RRP12: variants seen among roughly 807,000 people sequenced by gnomAD.
RRP12 encodes ribosomal RNA processing 12 homolog, also known as RRP12-like protein.
In RRP12, 78 loss-of-function variants were observed where a neutral mutation model predicts 157.3. That is an observed-to-expected ratio of 0.50 (90% CI 0.41 to 0.60). The LOEUF (loss-of-function observed/expected upper bound fraction) is 0.60. Ranked by LOEUF, RRP12 falls within the 20% of genes least tolerant of loss-of-function variation. The pLI, the probability that RRP12 is intolerant of heterozygous loss-of-function variation, is 0.00. For synonymous variants in RRP12, 726 were observed against 670.9 expected (o/e 1.08, Z -1.27); for missense variants, 1,521 against 1,679.9 (o/e 0.91, Z 1.65).
At position 97,373,881 on chromosome 10, in the gene RRP12, A is replaced by G. The variant is rs1844231202; in HGVS notation, c.1812T>C (p.Ala604=). Residue 604 remains alanine, a synonymous_variant, in exon 16 of 34, where the codon GCT becomes GCC. Coordinates refer to ENST00000370992, the MANE Select transcript of RRP12 (RefSeq NM_015179.4). The part of the protein sequence containing the change: ...NTLKSKAMDL[A]QAGSTVESKI... The stretch of plus-strand genomic sequence containing the variant: ...TAGATTCCACTGTGCTGCCTGCCTG[A>G]GCCAGGTCCATGGCTGCAGTGTGAC... The G allele has an allele frequency of 1.2e-6, 2 of 1,613,316 alleles. No homozygotes were observed. The highest frequency in any genetic ancestry group is 1.7e-6 in the Non-Finnish European group (2 of 1,179,910).
chr10:97,367,766 C>T (rs1309951981), intron 25 of RRP12, among the ~76,000 whole-genome samples: 1 of 152,228 alleles, frequency 6.6e-6, no homozygotes, highest in East Asian at 1.9e-4. Flanking sequence ...GAGTCTCGCT[C>T]TGTTGCCCAG....
Position 97,360,598 on chromosome 10 carries a change from C to A in RRP12, c.3588G>T (p.Lys1196Asn). 1 of 1,614,016 alleles carries A rather than the reference C, an allele frequency of 6.2e-7. No individual in the cohort carries two copies. Among genetic ancestry groups the A allele is most frequent in the Non-Finnish European group, 8.5e-7 (1 of 1,179,890 alleles). The change falls in exon 31 of 34, where the codon AAG (lysine) becomes AAT (asparagine). Residue 1196 changes from lysine to asparagine, a missense_variant. Transcript: ENST00000370992. Reference sequence around the variant, plus strand: ...CCTCCTCCTCAGCCTCTTTCTGGTGCTTGAGCTTCTGGTGCTTTTTCTATA... The same window carrying A: ...CCTCCTCCTCAGCCTCTTTCTGGTGATTGAGCTTCTGGTGCTTTTTCTATA... The part of the protein sequence containing the change: ...IIRNKKHQKL[K>N]HQKEAEEEEL...
rs754288674 is a variant in RRP12, at chr10:97,360,623, A to G, written c.3568-5T>C. 2 of 1,612,914 alleles carry G rather than the reference A, an allele frequency of 1.2e-6. No homozygotes were observed. The highest frequency in any genetic ancestry group is 1.7e-6 in the Non-Finnish European group (2 of 1,178,964). Reference sequence around the variant, plus strand: ...CTTGAGCTTCTGGTGCTTTTTCTATAGAGAGAGAATAGGTGGGTAGTGAGT... The same window carrying G: ...CTTGAGCTTCTGGTGCTTTTTCTATGGAGAGAGAATAGGTGGGTAGTGAGT... On this transcript the variant is annotated splice_polypyrimidine_tract_variant and splice_region_variant and intron_variant, in intron 30 of 33. Coordinates refer to ENST00000370992, the MANE Select transcript of RRP12 (RefSeq NM_015179.4).
intron 3 of RRP12, among the ~76,000 whole-genome samples, chr10:97,395,900 C>A (rs951397817): frequency 2.0e-5 from 3 of 151,134 alleles, no homozygotes; most frequent in African/African-American, 7.3e-5. Context: ...GTGGCTCATG[C>A]CTGTAATCCC....
intron 26 of RRP12, 38 bp from the exon 27 acceptor site, chr10:97,366,947 C>G: frequency 6.2e-7 from 1 of 1,609,860 alleles, no homozygotes; most frequent in Non-Finnish European, 8.5e-7. Context: ...GAGGCACTGG[C>G]CAGACAGCAC....
Position 97,381,763 on chromosome 10 carries a change from G to A in RRP12, c.1272C>T (p.Leu424=), listed in dbSNP as rs1384643187. 3 of 1,614,158 alleles carry A rather than the reference G, an allele frequency of 1.9e-6. No individual in the cohort carries two copies. The highest frequency in any genetic ancestry group is 8.5e-7 in the Non-Finnish European group (1 of 1,180,024). The part of the protein sequence containing the change: ...PRFFGTAVTC[L]LSPHSQVLTA... ...TCAGCACTTGCGAGTGTGGGGAAAG[G>A]AGGCAGGTCACCGCAGTTCCAAAAA... Residue 424 remains leucine, a synonymous_variant, in exon 11 of 34, where the codon CTC becomes CTT. Coordinates refer to ENST00000370992, the MANE Select transcript of RRP12 (RefSeq NM_015179.4).
rs778484919 is a variant in RRP12, at chr10:97,386,023, A to G, written c.1018-30T>C. The stretch of plus-strand genomic sequence containing the variant: ...AGGGGGACACACAGGCTTAGAAAGG[A>G]ACTACAAAGCCCACGGCTGGCCCTG... On this transcript the variant is annotated intron_variant, in intron 8 of 33. Coordinates refer to ENST00000370992, the MANE Select transcript of RRP12 (RefSeq NM_015179.4). 4.1e-6 allele frequency: 6 copies of G among 1,477,440 alleles called. No individual in the cohort carries two copies. In the East Asian group the frequency reaches 1.2e-4, roughly 30 times the overall value. The allele number at this position is 1,477,440 out of a possible 1,614,324, so 91.5% of individuals were successfully genotyped here.
chr10:97,373,717 C>T lies in RRP12; in HGVS notation c.1884G>A (p.Gly628=). ...CCACATCTGTAGGCCTTGTGCAGAA[C>T]CCAGGCAGGAGTGTCCACATCTGGA... The part of the protein sequence containing the change: ...LQWQMWTLLP[G]FCTRPTDVAI... The change falls in exon 17 of 34, where the codon GGG becomes GGA. Residue 628 remains glycine (G), a synonymous_variant. Transcript: ENST00000370992. 1.9e-6 allele frequency: 3 copies of T among 1,613,348 alleles called. No homozygotes were observed. The highest frequency in any genetic ancestry group is 1.7e-6 in the Non-Finnish European group (2 of 1,179,418).
intron 8 of RRP12, chr10:97,387,941 C>CAAAAAAAAAAAA (rs56225985): frequency 1.0e-5 from 1 of 97,332 alleles, no homozygotes; most frequent in African/African-American, 5.9e-5. Context: ...AACTCGGTCT[C>CAAAAAAAAAAAA]AAAAAAAAAA....
intron 4 of RRP12, 51 bp from the exon 5 acceptor site, chr10:97,390,895 T>G: frequency 8.2e-6 from 10 of 1,222,288 alleles, no homozygotes; most frequent in Non-Finnish European, 1.2e-5. Flanking sequence ...GAAGAGCAGC[T>G]GGTGCAGCCC....
rs763874626 is a variant in RRP12, at chr10:97,388,272, C to T, written c.997G>A (p.Val333Ile). The T allele has an allele frequency of 9.3e-6, 15 of 1,614,040 alleles. No individual in the cohort carries two copies. Among genetic ancestry groups the T allele is most frequent in the Non-Finnish European group, 1.3e-5 (15 of 1,180,028 alleles). The change falls in exon 8 of 34, where the codon GTC (valine) becomes ATC (isoleucine). Residue 333 changes from valine (V) to isoleucine (I), a missense_variant. Transcript: ENST00000370992. The part of the protein sequence containing the change: ...VKSCSETLLR[V>I]MTLSHVLVTA... Reference sequence around the variant, plus strand: ...CTCACCACATGGCTCAAGGTCATGACCCTGAGGAGAGTCTCACTGCAGCTC... The same window carrying T: ...CTCACCACATGGCTCAAGGTCATGATCCTGAGGAGAGTCTCACTGCAGCTC...
chr10:97,372,145 G>C lies in RRP12; in HGVS notation c.2271C>G (p.Val757=). ...CGTCAGCACACGGAGCCAAGGCCAC[G>C]ACCAGGTCCAGGACAGACAATCTGC... ...DFTRLSVLDL[V]VALAPCADEA... is the part of the protein sequence containing the mutation. The change falls in exon 20 of 34, where the codon GTC becomes GTG. Residue 757 remains valine, a synonymous_variant. Coordinates refer to ENST00000370992, the MANE Select transcript of RRP12 (RefSeq NM_015179.4). 1 of 1,613,636 alleles carries C rather than the reference G, an allele frequency of 6.2e-7. No individual in the cohort carries two copies. Among genetic ancestry groups the C allele is most frequent in the Non-Finnish European group, 8.5e-7 (1 of 1,179,866 alleles).
At chr10:97,371,235 G>T in intron 20 of RRP12, 154 bp from the exon 21 acceptor site, 1 of 788,580 alleles carries the variant, frequency 1.3e-6, no homozygotes, top group South Asian at 1.8e-5. Flanking sequence ...ACAGCGAGTG[G>T]CTAACTCCTG....
At chr10:97,374,120 T>C (rs933211273) in intron 15 of RRP12, among the ~76,000 whole-genome samples, 1 of 152,218 alleles carries the variant, frequency 6.6e-6, no homozygotes, top group Non-Finnish European at 1.5e-5. Context: ...AGATAGCCTC[T>C]GTTTCTTGTT....
At position 97,373,095 on chromosome 10, in the gene RRP12, C is replaced by A; in HGVS notation, c.2132G>T (p.Arg711Leu). 1.2e-6 allele frequency: 2 copies of A among 1,614,028 alleles called. No individual in the cohort carries two copies. Among genetic ancestry groups the A allele is most frequent in the Non-Finnish European group, 8.5e-7 (1 of 1,179,938 alleles). ...AGTTCTGATGGTTTCCAGCACAGCC[C>A]GGCGAGGGGCTGGAGTGTCCCCGGC... ...VAAGDTPAPR[R>L]AVLETIRTYL... The change falls in exon 18 of 34, where the codon CGG (arginine) becomes CTG (leucine). Residue 711 changes from arginine to leucine, a missense_variant. By Grantham distance (102) the Arg-to-Leu change is moderately radical. Transcript: ENST00000370992.
At chr10:97,392,892 T>A (rs1393242483) in intron 4 of RRP12, among the ~76,000 whole-genome samples, 1 of 152,074 alleles carries the variant, frequency 6.6e-6, no homozygotes, top group Admixed American at 6.6e-5. Flanking sequence ...GGTTTCACCA[T>A]GTTGGCCAGT....
Position 97,371,548 on chromosome 10 carries a change from C to A in RRP12, c.2344-467G>T, listed in dbSNP as rs559428272. 43 of 196,920 alleles carry A rather than the reference C, an allele frequency of 2.2e-4. No individual in the cohort carries two copies. The South Asian group carries it at 4.2e-3, about 19-fold the overall frequency. The allele number at this position is 196,920 out of a possible 1,614,324, so 12.2% of individuals were successfully genotyped here. A position where few individuals can be genotyped will look rare whatever the true frequency, so the allele number is the denominator to read the frequency against. On this transcript the variant is annotated intron_variant, in intron 20 of 33. Transcript: ENST00000370992. ...GTCCACCTGCAGTGCTGCCCCAGAG[C>A]ACTTCTCACACTGTTAGGTAACTGC...
chr10:97,372,165 A>C lies in RRP12; in HGVS notation c.2251T>G (p.Leu751Val). ...LDPASSDFTR[L>V]SVLDLVVALA... Reference sequence around the variant, plus strand: ...GCCACGACCAGGTCCAGGACAGACAATCTGCTCGGGGCAGGAGGACAAGGA... The same window carrying C: ...GCCACGACCAGGTCCAGGACAGACACTCTGCTCGGGGCAGGAGGACAAGGA... Residue 751 changes from leucine (L) to valine (V), a missense_variant and splice_region_variant, in exon 20 of 34, where the codon TTG (leucine) becomes GTG (valine). Physicochemically the swap from Leu to Val is conservative, Grantham distance 32. Coordinates refer to ENST00000370992, the MANE Select transcript of RRP12 (RefSeq NM_015179.4). 1 of 1,612,892 alleles carries C rather than the reference A, an allele frequency of 6.2e-7. No individual in the cohort carries two copies.
At chr10:97,363,093 C>T (rs572669679) in intron 30 of RRP12, among the ~76,000 whole-genome samples, 1 of 152,338 alleles carries the variant, frequency 6.6e-6, no homozygotes, top group East Asian at 1.9e-4. Flanking sequence ...CGCTTCCCCA[C>T]CGATATCACT....
Sources: allele counts gnomAD v4.1 joint callset (sites outside exome capture counted in the v4.1 genomes callset), GRCh38; gene constraint gnomAD v4.1.1; transcripts MANE v1.5; gene names NCBI Gene and HGNC (gene_info 2026-07-23, HGNC 2026-07-21).